Variants in FAM83A observed in about 807,000 individuals in gnomAD.
FAM83A encodes scaffolding CK1 anchoring protein A, also known as protein FAM83A.
Under a neutral mutation model 24.4 loss-of-function variants are expected in FAM83A, and 21 were observed. The observed-to-expected ratio is 0.86, with a 90% CI of 0.61 to 1.24. The LOEUF (loss-of-function observed/expected upper bound fraction) is 1.24. FAM83A is among the 50% of genes most tolerant of loss of function. The pLI, the probability that FAM83A is intolerant of heterozygous loss-of-function variation, is 0.00. For missense variants in FAM83A, 617 were observed against 579.8 expected (o/e 1.06, Z -0.66); for synonymous variants, 270 against 252.4 (o/e 1.07, Z -0.66).
chr8:123,207,410 C>T (rs533018320), exon 4 of FAM83A: 1 of 1,610,688 alleles, frequency 6.2e-7, no homozygotes, highest in Non-Finnish European at 8.5e-7. Context: ...GGCAGGCAGC[C>T]ACCCCGGTAC....
At position 123,207,143 on chromosome 8, in the gene FAM83A, C is replaced by T; in HGVS notation, c.774-14C>T. 1.3e-6 allele frequency: 2 copies of T among 1,528,438 alleles called. No homozygotes were observed. Among genetic ancestry groups the T allele is most frequent in the Non-Finnish European group, 8.8e-7 (1 of 1,130,838 alleles). The allele number at this position is 1,528,438 out of a possible 1,614,324, so 94.7% of individuals were successfully genotyped here. ...CCCTTCTCCTCCATCACTCTCTCTC[C>T]TCTTCCCCTCCAGCTTCACCTGGCT... On this transcript the variant is annotated splice_polypyrimidine_tract_variant and intron_variant, in intron 3 of 3. Coordinates refer to ENST00000690554, the Ensembl canonical transcript of FAM83A.
chr8:123,204,722 C>T (rs1004002806), intron 3 of FAM83A, among the ~76,000 whole-genome samples: 21 of 151,942 alleles, frequency 1.4e-4, no homozygotes, highest in Non-Finnish European at 2.9e-5. Flanking sequence ...GATCGCGCCA[C>T]TGCACTCCAG....
chr8:123,207,493 G>C (rs1185197126), exon 4 of FAM83A: 1 of 1,582,536 alleles, frequency 6.3e-7, no homozygotes, highest in Non-Finnish European at 8.6e-7. Flanking sequence ...CCCGGTTCCA[G>C]CCCCACCAAG....
chr8:123,202,679 G>A, intron 3 of FAM83A: 1 of 152,612 alleles, frequency 6.6e-6, no homozygotes, highest in Non-Finnish European at 1.5e-5. Flanking sequence ...CTGAAAGAAT[G>A]CAGTTTTTCA....
At chr8:123,208,015 C>T in exon 4 of FAM83A, 1 of 1,131,928 alleles carries the variant, frequency 8.8e-7, no homozygotes, top group Non-Finnish European at 1.1e-6. Flanking sequence ...CCCCAAAACT[C>T]CGTAAGAAGC....
rs148179191 is a variant in FAM83A, at chr8:123,198,091, A to ACTG, written c.773+3945_773+3947dup. Among the ~76,000 whole-genome samples the ACTG allele has an allele frequency of 7.1e-3, 1,076 of 152,296 alleles. 5 individuals are homozygous for ACTG. Among genetic ancestry groups the ACTG allele is most frequent in the Middle Eastern group, 0.014 (4 of 294 alleles). ...GGCTGCAGTGAGCAGAGATCGCACC[A>ACTG]CTGCACTCCAGCCTGGGTGACAGAG... On this transcript the variant is annotated intron_variant, in intron 3 of 3. Transcript: ENST00000690554.
intron 3 of FAM83A, among the ~76,000 whole-genome samples, chr8:123,197,960 C>A (rs1824217493): frequency 6.6e-6 from 1 of 151,966 alleles, no homozygotes; most frequent in Non-Finnish European, 1.5e-5. Flanking sequence ...TGAAACCCTG[C>A]CTCTATTAAA....
At chr8:123,185,624 G>A (rs1446783012) in intron 1 of FAM83A, among the ~76,000 whole-genome samples, 1 of 152,184 alleles carries the variant, frequency 6.6e-6, no homozygotes, top group African/African-American at 2.4e-5. Flanking sequence ...TGGCTGCTTC[G>A]TTGGGTGGGT....
At chr8:123,187,785 G>A (rs1156599572) in intron 1 of FAM83A, among the ~76,000 whole-genome samples, 2 of 152,178 alleles carry the variant, frequency 1.3e-5, no homozygotes, top group Non-Finnish European at 2.9e-5. Context: ...GTGAAGTGGG[G>A]ACGAGGCAGG....
Position 123,209,636 on chromosome 8 carries a change from C to A in FAM83A, c.*1948C>A. 7.0e-7 allele frequency: 1 copy of A among 1,433,548 alleles called. No individual in the cohort carries two copies. The highest frequency in any genetic ancestry group is 1.9e-5 in the Admixed American group (1 of 52,880). The allele number at this position is 1,433,548 out of a possible 1,614,324, so 88.8% of individuals were successfully genotyped here. On this transcript the variant is annotated 3_prime_UTR_variant, in exon 4 of 4. Transcript: ENST00000690554. This position sits in a 1 kb window ranked among gnomAD's most constrained non-coding sequence, Gnocchi z 4.7. ...GGCAAAGCTTGCCAGGTCACAGAAG[C>A]TCCCAAGCCCAGCTTTCCAAAGGCC...
exon 4 of FAM83A, chr8:123,207,305 G>A: frequency 6.2e-7 from 1 of 1,610,584 alleles, no homozygotes; most frequent in Non-Finnish European, 8.5e-7. Context: ...GGTCGCCCCC[G>A]TCCCGCCCGG....
chr8:123,179,920 A>G (rs906444578), upstream of FAM83A: 1 of 152,122 alleles, frequency 6.6e-6, no homozygotes, highest in South Asian at 2.1e-4. Context: ...ATTCTCCCCT[A>G]TGCATATTCA....
chr8:123,205,094 A>T lies in FAM83A; in HGVS notation c.774-2063A>T, dbSNP rs569955121. 1.5e-3 allele frequency among the ~76,000 whole-genome samples: 233 copies of T among 152,322 alleles called. 10 individuals carry two copies. The South Asian group carries it at 0.046, about 30-fold the overall frequency. On this transcript the variant is annotated intron_variant, in intron 3 of 3. Transcript: ENST00000690554. ...GCCACTGCACTCCAGCCTGGGCGAC[A>T]GAGCAAGGCTGCGTCTCAAAAAAAA...
At position 123,207,415 on chromosome 8, in the gene FAM83A, CG is replaced by C. The variant is rs757948490; in HGVS notation, c.1034del (p.Gly345ValfsTer76). 1 of 1,610,324 alleles carries C rather than the reference CG, an allele frequency of 6.2e-7. No individual in the cohort carries two copies. The highest frequency in any genetic ancestry group is 8.5e-7 in the Non-Finnish European group (1 of 1,179,366). ...GCGGCCGCTCGGCAGGCAGCCACCC[CG>C]GTACCCGAAGTGTGTCCGCGTCTTC... On this transcript the variant is annotated frameshift_variant, in exon 4 of 4. Transcript: ENST00000690554. LOFTEE classifies it low-confidence loss of function (END_TRUNC).
chr8:123,207,795 A>T (rs1229508922), exon 4 of FAM83A: 4 of 1,405,008 alleles, frequency 2.8e-6, no homozygotes, highest in African/African-American at 1.5e-5. Flanking sequence ...CTTTGAAAAG[A>T]CACTCAAAAT....
intron 3 of FAM83A, among the ~76,000 whole-genome samples, chr8:123,206,288 TG>T (rs935055904): frequency 6.6e-6 from 1 of 152,174 alleles, no homozygotes; most frequent in African/African-American, 2.4e-5. Flanking sequence ...GCCCCGTGTC[TG>T]GGTGCTTCCT....
intron 1 of FAM83A, among the ~76,000 whole-genome samples, chr8:123,189,921 C>T (rs1413181699): frequency 6.6e-6 from 1 of 152,208 alleles, no homozygotes; most frequent in Non-Finnish European, 1.5e-5. Flanking sequence ...TCTGGGTTCA[C>T]ATCCCCCATC....
At chr8:123,182,682 T>C in exon 1 of FAM83A, 2 of 949,652 alleles carry the variant, frequency 2.1e-6, no homozygotes, top group Non-Finnish European at 3.3e-6. Flanking sequence ...CTGAGAAGCA[T>C]TGCTCAGGAC....
At chr8:123,193,760 G>A (rs986832896) in intron 2 of FAM83A, among the ~76,000 whole-genome samples, 4 of 152,172 alleles carry the variant, frequency 2.6e-5, no homozygotes, top group Admixed American at 6.5e-5. Context: ...CTTATAAATG[G>A]CTGTCTTCTT....
Sources: allele counts gnomAD v4.1 joint callset (sites outside exome capture counted in the v4.1 genomes callset), GRCh38; gene constraint gnomAD v4.1.1; non-coding constraint Gnocchi (gnomAD v3.1); transcripts MANE v1.5; gene names NCBI Gene and HGNC (gene_info 2026-07-23, HGNC 2026-07-21).